The following USP54 variants were observed in gnomAD, a reference collection of about 807,000 sequenced individuals.
The protein encoded by USP54 is ubiquitin carboxyl-terminal hydrolase 54.
USP54 carries 87 observed loss-of-function variants against 170.5 expected under a neutral mutation model. That is an observed-to-expected ratio of 0.51 (90% CI 0.43 to 0.61). The LOEUF (loss-of-function observed/expected upper bound fraction) is 0.61, where lower values mean the gene tolerates loss of function less well. USP54 is among the 20% of genes least tolerant of loss of function. The pLI, the probability that USP54 is intolerant of heterozygous loss-of-function variation, is 0.00. For synonymous variants in USP54, 655 were observed against 742.8 expected (o/e 0.88, Z 1.92); for missense variants, 1,786 against 2,047.8 (o/e 0.87, Z 2.47).
chr10:73,557,850 C>T (rs911245042), intron 4 of USP54, among the ~76,000 whole-genome samples: 15 of 148,730 alleles, frequency 1.0e-4, no homozygotes, highest in African/African-American at 3.7e-4. Context: ...TCAAGACCAG[C>T]TCAAGAAGGA....
chr10:73,588,176 TC>T (rs968048187), intron 1 of USP54, among the ~76,000 whole-genome samples: 4 of 152,136 alleles, frequency 2.6e-5, no homozygotes, highest in African/African-American at 9.7e-5. Flanking sequence ...GAAAAGTGTA[TC>T]CTTTTTTTTT....
At chr10:73,521,700 C>T (rs966432894) in intron 17 of USP54, among the ~76,000 whole-genome samples, 31 of 152,180 alleles carry the variant, frequency 2.0e-4, no homozygotes, top group African/African-American at 5.3e-4. Context: ...TTGTCATAAG[C>T]GTTGCTAAGT....
chr10:73,600,169 G>A (rs760488310), intron 1 of USP54, among the ~76,000 whole-genome samples: 3 of 152,116 alleles, frequency 2.0e-5, no homozygotes, highest in Non-Finnish European at 4.4e-5. Flanking sequence ...CAAGTGCTGG[G>A]ATTACACTTG....
chr10:73,517,159 A>G lies in USP54; in HGVS notation c.3267T>C (p.Pro1089=), dbSNP rs1421600419. The G allele has an allele frequency of 4.3e-6, 7 of 1,614,118 alleles. No individual in the cohort carries two copies. Among genetic ancestry groups the G allele is most frequent in the Non-Finnish European group, 5.9e-6 (7 of 1,180,050 alleles). Residue 1089 remains proline, a synonymous_variant, in exon 20 of 24, where the codon CCT becomes CCC. Transcript: ENST00000687698. Reference sequence around the variant, plus strand: ...GGAGGCATTGGTTAGTTTTCTGCACAGGATCAGGACAGTGAAGCACAAATG... The same window carrying G: ...GGAGGCATTGGTTAGTTTTCTGCACGGGATCAGGACAGTGAAGCACAAATG... ...ASSFVLHCPD[P]VQKTNQCLQG...
rs967647497 is a variant in USP54 at position 73,601,106 on chromosome 10, A to G, written c.-18+24461T>C. Among the ~76,000 whole-genome samples the G allele has an allele frequency of 1.1e-4, 16 of 152,236 alleles. No homozygotes were observed. The South Asian group carries it at 1.2e-3, about 12-fold the overall frequency. Reference sequence around the variant, plus strand: ...AATTTCATGTTTAAGAACCTTACTTAAAGTGAATAGGAAAGTTTGGGTAAA... The same window carrying G: ...AATTTCATGTTTAAGAACCTTACTTGAAGTGAATAGGAAAGTTTGGGTAAA... On this transcript the variant is annotated intron_variant, in intron 1 of 22. Coordinates refer to the USP54 transcript ENST00000339859.
rs755283272 is a variant in USP54, at chr10:73,526,731, T to C, written c.2110A>G (p.Ile704Val). 6.2e-7 allele frequency: 1 copy of C among 1,614,120 alleles called. No individual in the cohort carries two copies. Among genetic ancestry groups the C allele is most frequent in the Admixed American group, 1.7e-5 (1 of 60,010 alleles). ...SAGLVPSWRHIPKSHSSSILE... is the reference protein window; with the variant it reads ...SAGLVPSWRHVPKSHSSSILE... ...ATGCTACTGCTGTGCGACTTTGGGA[T>C]ATGACGCCAGGAAGGAACCAACCCA... is the stretch of plus-strand genomic sequence containing the variant. Residue 704 changes from isoleucine to valine, a missense_variant, in exon 16 of 24, where the codon ATC becomes GTC. Around this residue, in one of 3 missense-constraint regions of USP54, gnomAD observed 1,418 missense variants for 1,569.0 expected, o/e 0.90. Transcript: ENST00000687698.
chr10:73,611,372 G>A (rs1420927185), intron 1 of USP54, among the ~76,000 whole-genome samples: 4 of 152,062 alleles, frequency 2.6e-5, no homozygotes, highest in African/African-American at 7.2e-5. Context: ...TGAAGTACAA[G>A]GTATGGTAGC....
At chr10:73,537,499 ACT>A (rs1217330189) in intron 10 of USP54, among the ~76,000 whole-genome samples, 1 of 151,840 alleles carries the variant, frequency 6.6e-6, no homozygotes, top group Non-Finnish European at 1.5e-5. Flanking sequence ...TCAACCACAA[ACT>A]CTGTGGTTTA....
intron 22 of USP54, 46 bp from the exon 23 acceptor site, chr10:73,500,884 C>T (rs1050067988): frequency 1.9e-6 from 3 of 1,562,380 alleles, no homozygotes; most frequent in Non-Finnish European, 2.6e-6. Flanking sequence ...AGGATTAACA[C>T]AAAGCAGGAT....
intron 1 of USP54, chr10:73,624,390 G>GGC (rs2081354662): frequency 1.1e-5 from 1 of 93,996 alleles, no homozygotes; most frequent in African/African-American, 5.4e-5. Flanking sequence ...AGTAGAGACG[G>GGC]GGGGGGGGGG....
At position 73,541,433 on chromosome 10, in the gene USP54, T is replaced by C; in HGVS notation, c.767A>G (p.His256Arg). The C allele has an allele frequency of 2.5e-6, 4 of 1,614,148 alleles. No individual in the cohort carries two copies. The highest frequency in any genetic ancestry group is 2.5e-6 in the Non-Finnish European group (3 of 1,180,024). ...ITIGLVWDSD[H>R]SDLAEDVIHS... ...GATAACATCTTCTGCTAAGTCTGAG[T>C]GGTCTGAGTCCCATACCAGCCCAAT... Residue 256 changes from histidine (H) to arginine (R), a missense_variant, in exon 9 of 24, where the codon CAC (histidine) becomes CGC (arginine). His to Arg is a conservative substitution (Grantham distance 29, BLOSUM62 0). Around this residue, in one of 3 missense-constraint regions of USP54, gnomAD observed 361 missense variants for 455.0 expected, o/e 0.79. Coordinates refer to ENST00000687698, the MANE Select transcript of USP54 (RefSeq NM_001391956.1).
intron 1 of USP54, among the ~76,000 whole-genome samples, chr10:73,586,091 C>A (rs2077455255): frequency 6.6e-6 from 1 of 152,118 alleles, no homozygotes; most frequent in East Asian, 1.9e-4. Context: ...AATCACCGGA[C>A]CTTACCACCA....
chr10:73,501,911 T>G (rs2133129031), intron 22 of USP54, among the ~76,000 whole-genome samples: 1 of 152,316 alleles, frequency 6.6e-6, no homozygotes, highest in South Asian at 2.1e-4. Flanking sequence ...CTCACTACCC[T>G]ACTATCAGGA....
intron 23 of USP54, among the ~76,000 whole-genome samples, chr10:73,500,439 G>C (rs770487970): frequency 9.9e-5 from 15 of 152,144 alleles, no homozygotes; most frequent in Non-Finnish European, 1.5e-4. Context: ...CAGACTCTAG[G>C]GGTGCTGGTC....
At chr10:73,541,784 A>G in intron 7 of USP54, 46 bp from the exon 8 acceptor site, 1 of 1,550,252 alleles carries the variant, frequency 6.5e-7, no homozygotes, top group Non-Finnish European at 8.9e-7. Context: ...GTATTTAGTT[A>G]CTGCTAAATC....
chr10:73,520,677 C>A (rs2061752250), intron 18 of USP54, among the ~76,000 whole-genome samples: 1 of 152,190 alleles, frequency 6.6e-6, no homozygotes, highest in Admixed American at 6.5e-5. Flanking sequence ...CTGGAGAAAT[C>A]ATCTATGGAT....
chr10:73,547,653 T>C (rs996467423), intron 4 of USP54, among the ~76,000 whole-genome samples: 4 of 152,136 alleles, frequency 2.6e-5, no homozygotes, highest in East Asian at 3.9e-4. Context: ...ATTTAATAAA[T>C]GGTGCTGGGA....
In USP54 at chr10:73,517,191, C is replaced by T; in HGVS notation, c.3235G>A (p.Ala1079Thr). ...YRTCHPIMPV[A>T]SSFVLHCPDP... The stretch of plus-strand genomic sequence containing the variant: ...GGACAGTGAAGCACAAATGAAGAAG[C>T]AACAGGCATTATGGGGTGGCAGGTT... Residue 1079 changes from alanine to threonine, a missense_variant, in exon 20 of 24, where the codon GCT (alanine) becomes ACT (threonine). Coordinates refer to ENST00000687698, the MANE Select transcript of USP54 (RefSeq NM_001391956.1). 2 of 1,614,178 alleles carry T rather than the reference C, an allele frequency of 1.2e-6. No individual in the cohort carries two copies. Among genetic ancestry groups the T allele is most frequent in the African/African-American group, 1.3e-5 (1 of 75,044 alleles).
At position 73,601,151 on chromosome 10, in the gene USP54, T is replaced by C. The variant is rs377323170; in HGVS notation, c.-18+24416A>G. 7.9e-4 allele frequency among the ~76,000 whole-genome samples: 120 copies of C among 152,322 alleles called. 1 individual carries two copies. The South Asian group carries it at 0.017, about 22-fold the overall frequency. On this transcript the variant is annotated intron_variant, in intron 1 of 22. Coordinates refer to the USP54 transcript ENST00000339859. ...GGTAAATTAAAACAAAACAGGATCA[T>C]GTATAGGAGCTCTGAAATCCAACAC...
Sources: allele counts gnomAD v4.1 joint callset (sites outside exome capture counted in the v4.1 genomes callset), GRCh38; gene constraint gnomAD v4.1.1; regional missense constraint gnomAD v4.1.1; transcripts MANE v1.5; gene names NCBI Gene and HGNC (gene_info 2026-07-23, HGNC 2026-07-21).